SLCO4A1: variants seen among roughly 807,000 people sequenced by gnomAD.
SLCO4A1 encodes the protein colon organic anion transporter.
Under a neutral mutation model 64.6 loss-of-function variants are expected in SLCO4A1, and 51 were observed. That is an observed-to-expected ratio of 0.79 (90% CI 0.63 to 1.00). The LOEUF (loss-of-function observed/expected upper bound fraction) is 1.00, where lower values mean the gene tolerates loss of function less well. Ranked by LOEUF, SLCO4A1 falls within the 50% of genes least tolerant of loss-of-function variation. The pLI is 0.00. For missense variants in SLCO4A1, 919 were observed against 980.5 expected, an observed-to-expected ratio of 0.94 and a Z score of 0.84; for synonymous variants, 471 against 444.9, an observed-to-expected ratio of 1.06 and a Z score of -0.74.
At chr20:62,689,728 G>A (rs1003851340), downstream of SLCO4A1, among the ~76,000 whole-genome samples, 2 of 152,234 alleles carry the variant, frequency 1.3e-5, no homozygotes, top group South Asian at 2.1e-4. Context: ...AATAACTTGC[G>A]GGGGCTCAGG....
At chr20:62,676,678 T>C (rs529779727), downstream of SLCO4A1, among the ~76,000 whole-genome samples, 1 of 152,284 alleles carries the variant, frequency 6.6e-6, no homozygotes, top group Admixed American at 6.5e-5. Context: ...TCACACACTA[T>C]GGGTGGGAAT....
At chr20:62,673,444 C>T (rs1186340410), downstream of SLCO4A1, among the ~76,000 whole-genome samples, 1 of 143,550 alleles carries the variant, frequency 7.0e-6, no homozygotes, top group Non-Finnish European at 1.6e-5. Flanking sequence ...GCATGCTGGG[C>T]AGTGCCGGCT....
intron 2 of SLCO4A1, 96 bp from the exon 3 acceptor site, chr20:62,658,581 C>T (rs972973877): frequency 8.6e-5 from 78 of 910,718 alleles, no homozygotes; most frequent in Non-Finnish European, 1.2e-4. Context: ...TGCAGAATGG[C>T]GGGTGCGGGG....
At chr20:62,652,753 C>T (rs946181788) in intron 1 of SLCO4A1, among the ~76,000 whole-genome samples, 5 of 152,224 alleles carry the variant, frequency 3.3e-5, no homozygotes, top group East Asian at 1.9e-4. Context: ...CGGGTGTGGC[C>T]GCGGGCACCC....
chr20:62,681,410 G>A (rs768676355), intron 2 of SLCO4A1, among the ~76,000 whole-genome samples: 24 of 152,036 alleles, frequency 1.6e-4, no homozygotes, highest in Non-Finnish European at 2.5e-4. Flanking sequence ...ACTTGTGTGC[G>A]TGTTTATTAA....
downstream of SLCO4A1, among the ~76,000 whole-genome samples, chr20:62,686,884 G>GAAGGGCACCCCCAAACAGGAGCAATGGGA (rs1988075531): frequency 7.0e-6 from 1 of 142,276 alleles, no homozygotes; most frequent in South Asian, 2.3e-4. Flanking sequence ...GGAGCAATGG[G>GAAGGGCACCCCCAAACAGGAGCAATGGGA]AAGGGCACCC....
intron 5 of SLCO4A1, among the ~76,000 whole-genome samples, chr20:62,664,664 C>T (rs1050040910): frequency 2.6e-5 from 4 of 152,228 alleles, no homozygotes; most frequent in Non-Finnish European, 5.9e-5. Context: ...CCCTGGGTTT[C>T]TCTGGAATAA....
chr20:62,651,250 G>A (rs1982446203), intron 1 of SLCO4A1: 1 of 152,202 alleles, frequency 6.6e-6, no homozygotes, highest in Admixed American at 6.5e-5. Flanking sequence ...ATGGGGAAAC[G>A]GCCTCCCAGA....
At chr20:62,642,792 C>T (rs1980608173) in intron 1 of SLCO4A1, among the ~76,000 whole-genome samples, 2 of 152,174 alleles carry the variant, frequency 1.3e-5, no homozygotes, top group Admixed American at 6.5e-5. Flanking sequence ...GGTAGGAGCT[C>T]CCGAGTCGCC....
chr20:62,673,557 C>T (rs1208004317), downstream of SLCO4A1, among the ~76,000 whole-genome samples: 4 of 143,922 alleles, frequency 2.8e-5, no homozygotes, highest in East Asian at 2.0e-4. Context: ...TTAGAGACCA[C>T]GACACTGCCC....
In SLCO4A1 at chr20:62,644,828, T is replaced by C. The variant is rs1454798256; in HGVS notation, c.-97+2275T>C. Reference sequence around the variant, plus strand: ...TCCTGGTGCTCTCCCCAGCAGATGGTTGTAGGTGGTCAGAGATGAGCCACA... The same window carrying C: ...TCCTGGTGCTCTCCCCAGCAGATGGCTGTAGGTGGTCAGAGATGAGCCACA... On this transcript the variant is annotated intron_variant, in intron 1 of 11. Transcript: ENST00000217159. The surrounding 1 kb of genome is among the most constrained non-coding windows in gnomAD (Gnocchi z 5.4). 6.6e-6 allele frequency among the ~76,000 whole-genome samples: 1 copy of C among 152,072 alleles called. No individual in the cohort carries two copies. The highest frequency in any genetic ancestry group is 1.5e-5 in the Non-Finnish European group (1 of 68,004).
At position 62,656,658 on chromosome 20, in the gene SLCO4A1, C is replaced by T. The variant is rs542833541; in HGVS notation, c.204C>T (p.Gly68=). 8 of 1,603,688 alleles carry T rather than the reference C, an allele frequency of 5.0e-6. No homozygotes were observed. Among genetic ancestry groups the T allele is most frequent in the African/African-American group, 4.0e-5 (3 of 74,862 alleles). Reference sequence around the variant, plus strand: ...GCCAGCTCTGGGCCGAGAAGCATGGCGCCCGGGGGACCCATGAGGTGCGGT... The same window carrying T: ...GCCAGCTCTGGGCCGAGAAGCATGGTGCCCGGGGGACCCATGAGGTGCGGT... ...PLCQLWAEKH[G]ARGTHEVRYV... The change falls in exon 2 of 12, where the codon GGC becomes GGT. Residue 68 remains glycine, a synonymous_variant. Coordinates refer to ENST00000217159, the MANE Select transcript of SLCO4A1 (RefSeq NM_016354.4).
intron 10 of SLCO4A1, 35 bp from the exon 11 acceptor site, chr20:62,668,895 A>G: frequency 6.3e-7 from 1 of 1,590,182 alleles, no homozygotes; most frequent in Non-Finnish European, 8.5e-7. Flanking sequence ...CCTACCCACC[A>G]GGAGTGTGGG....
At chr20:62,679,341 C>T (rs1987728423) in intron 2 of SLCO4A1, among the ~76,000 whole-genome samples, 3 of 151,484 alleles carry the variant, frequency 2.0e-5, no homozygotes, top group Admixed American at 6.6e-5. Flanking sequence ...CAAATCCATA[C>T]ATGTGTCAAA....
At chr20:62,673,907 C>T (rs62199946), downstream of SLCO4A1, among the ~76,000 whole-genome samples, 3 of 152,228 alleles carry the variant, frequency 2.0e-5, no homozygotes, top group South Asian at 2.1e-4. Flanking sequence ...GTTTGTTCTG[C>T]AGCCATAGCT....
Position 62,647,491 on chromosome 20 carries a change from T to C in SLCO4A1, c.-97+4938T>C, listed in dbSNP as rs536810054. Among the ~76,000 whole-genome samples the C allele has an allele frequency of 3.3e-5, 5 of 152,342 alleles. No homozygotes were observed. In the East Asian group the frequency reaches 9.6e-4, roughly 29 times the overall value. ...CTGAGTGGGGCCTGGAAGCCGGGAC[T>C]GGGACATCCCCTAATGTGGAGGGGT... On this transcript the variant is annotated intron_variant, in intron 1 of 11. Coordinates refer to ENST00000217159, the MANE Select transcript of SLCO4A1 (RefSeq NM_016354.4).
rs747435041 is a variant in SLCO4A1, at chr20:62,668,793, C to G, written c.1877-137C>G. The stretch of plus-strand genomic sequence containing the variant: ...GCCCAAAGAAAGGAACGTTTAAGCC[C>G]TCTTTGCACCCCCTGAGAACTCCAA... On this transcript the variant is annotated intron_variant, in intron 10 of 11. Coordinates refer to ENST00000217159, the MANE Select transcript of SLCO4A1 (RefSeq NM_016354.4). 4 of 925,286 alleles carry G rather than the reference C, an allele frequency of 4.3e-6. No individual in the cohort carries two copies. In the African/African-American group the frequency reaches 6.7e-5, roughly 15 times the overall value. The allele number at this position is 925,286 out of a possible 1,614,324, so 57.3% of individuals were successfully genotyped here.
rs565544372 is a variant in SLCO4A1 at position 62,662,616 on chromosome 20, T to C, written c.1121+1441T>C. ...GAATTTCAGCCGAGCAATCAGTGATTAAGAAATGAAGTTTGCATAGCATTT... is the reference window on the plus strand; with the variant it reads ...GAATTTCAGCCGAGCAATCAGTGATCAAGAAATGAAGTTTGCATAGCATTT... On this transcript the variant is annotated intron_variant, in intron 5 of 11. Transcript: ENST00000217159. 3.3e-5 allele frequency among the ~76,000 whole-genome samples: 5 copies of C among 152,338 alleles called. No homozygotes were observed. The South Asian group carries it at 1.0e-3, about 32-fold the overall frequency.
At chr20:62,660,203 G>T (rs748972405) in intron 3 of SLCO4A1, among the ~76,000 whole-genome samples, 1 of 152,218 alleles carries the variant, frequency 6.6e-6, no homozygotes, top group African/African-American at 2.4e-5. Context: ...CATCTGTCTT[G>T]GGGGACAGCT....
Sources: gnomAD v4.1 joint callset for allele counts (sites outside exome capture counted in the v4.1 genomes callset) on GRCh38, gnomAD v4.1.1 for gene constraint, Gnocchi (gnomAD v3.1) non-coding constraint, MANE v1.5 for transcripts, NCBI Gene and HGNC (gene_info 2026-07-23, HGNC 2026-07-21) for gene names.